DAP: variants seen among roughly 807,000 people sequenced by gnomAD.
DAP encodes death-associated protein 1.
Under a neutral mutation model 13.8 loss-of-function variants are expected in DAP, and 8 were observed. The observed-to-expected ratio is 0.58, with a 90% CI of 0.34 to 1.05. DAP has a LOEUF of 1.05. Ranked by LOEUF, DAP falls within the 50% of genes least tolerant of loss-of-function variation. The pLI, the probability that DAP is intolerant of heterozygous loss-of-function variation, is 0.03. For synonymous variants in DAP, 47 were observed against 47.5 expected, an observed-to-expected ratio of 0.99 and a Z score of 0.04; for missense variants, 106 against 133.2, an observed-to-expected ratio of 0.80 and a Z score of 1.01.
intron 1 of DAP, among the ~76,000 whole-genome samples, chr5:10,757,946 T>C (rs924984792): frequency 2.7e-4 from 41 of 152,106 alleles, no homozygotes; most frequent in African/African-American, 8.7e-4. Flanking sequence ...CGAAGGTTAG[T>C]GCACGAAGGA....
chr5:10,693,132 A>G (rs995230456), intron 2 of DAP, among the ~76,000 whole-genome samples: 17 of 143,282 alleles, frequency 1.2e-4, no homozygotes, highest in East Asian at 8.5e-4. Flanking sequence ...ACGCACACAC[A>G]CACACACACA....
intron 2 of DAP, among the ~76,000 whole-genome samples, chr5:10,727,361 C>A (rs1035947452): frequency 3.3e-5 from 5 of 152,296 alleles, no homozygotes; most frequent in East Asian, 1.9e-4. Flanking sequence ...GGTCAGCACA[C>A]CCTGATGAAG....
intron 2 of DAP, among the ~76,000 whole-genome samples, chr5:10,721,502 A>C (rs1739140067): frequency 6.6e-6 from 1 of 152,182 alleles, no homozygotes; most frequent in Non-Finnish European, 1.5e-5. Context: ...CTCTAGATGA[A>C]ATCAGTCTAC....
chr5:10,746,977 C>G (rs1306813508), intron 2 of DAP, among the ~76,000 whole-genome samples: 1 of 152,206 alleles, frequency 6.6e-6, no homozygotes, highest in Non-Finnish European at 1.5e-5. Context: ...CGTTACCTAG[C>G]ACGGTGCATG....
rs1342505481 is a variant in DAP, at chr5:10,692,248, T to G, written c.153-8677A>C. ...ATTGAGAAGACTTTTAACATTCTTT[T>G]GTGTTCTAAGGCTTTACACCCTCCC... is the stretch of plus-strand genomic sequence containing the variant. On this transcript the variant is annotated intron_variant, in intron 2 of 3. Transcript: ENST00000230895. 2.0e-5 allele frequency among the ~76,000 whole-genome samples: 3 copies of G among 152,240 alleles called. No individual in the cohort carries two copies. The East Asian group carries it at 5.8e-4, about 29-fold the overall frequency.
chr5:10,689,101 T>G (rs2126637344), intron 2 of DAP, among the ~76,000 whole-genome samples: 1 of 152,282 alleles, frequency 6.6e-6, no homozygotes, highest in East Asian at 1.9e-4. Context: ...TGGGGTTCTA[T>G]GCCTCGAGTA....
intron 2 of DAP, among the ~76,000 whole-genome samples, chr5:10,684,953 TA>T (rs1738118925): frequency 6.6e-6 from 1 of 152,170 alleles, no homozygotes; most frequent in South Asian, 2.1e-4. Context: ...TCCTGCTGGG[TA>T]GAGGGGGTAG....
chr5:10,756,697 T>C (rs1024466967), intron 1 of DAP, among the ~76,000 whole-genome samples: 1 of 152,090 alleles, frequency 6.6e-6, no homozygotes, highest in African/African-American at 2.4e-5. Flanking sequence ...CACTGGGAAA[T>C]GGAGGGGAAC....
At chr5:10,746,212 G>A (rs1180895899) in intron 2 of DAP, among the ~76,000 whole-genome samples, 1 of 152,136 alleles carries the variant, frequency 6.6e-6, no homozygotes, top group African/African-American at 2.4e-5. Flanking sequence ...AAATACGTCG[G>A]GCCGCAAGTC....
At position 10,707,447 on chromosome 5, in the gene DAP, A is replaced by G. The variant is rs756871751; in HGVS notation, c.153-23876T>C. Among the ~76,000 whole-genome samples the G allele has an allele frequency of 6.6e-6, 1 of 151,990 alleles. No individual in the cohort carries two copies. The highest frequency in any genetic ancestry group is 1.5e-5 in the Non-Finnish European group (1 of 68,046). Reference sequence around the variant, plus strand: ...GCCCCAGCACTGAGCTGAGGGCAGGAGAGCTGGTGGTGTGATGCACGGGTG... The same window carrying G: ...GCCCCAGCACTGAGCTGAGGGCAGGGGAGCTGGTGGTGTGATGCACGGGTG... On this transcript the variant is annotated intron_variant, in intron 2 of 3. Coordinates refer to ENST00000230895, the MANE Select transcript of DAP (RefSeq NM_004394.3). This position sits in a 1 kb window ranked among gnomAD's most constrained non-coding sequence, Gnocchi z 4.0.
chr5:10,736,326 A>T (rs1739610576), intron 2 of DAP, among the ~76,000 whole-genome samples: 1 of 152,256 alleles, frequency 6.6e-6, no homozygotes, highest in African/African-American at 2.4e-5. Flanking sequence ...AGAGGCAGCC[A>T]GCCTGCCTGG....
chr5:10,708,311 CACACAG>C lies in DAP; in HGVS notation c.153-24746_153-24741del, dbSNP rs1437299890. Among the ~76,000 whole-genome samples, 29 of 151,812 alleles carry C rather than the reference CACACAG, an allele frequency of 1.9e-4. No individual in the cohort carries two copies. The South Asian group carries it at 4.8e-3, about 25-fold the overall frequency. ...ACAAGTGCACACACACACATAGAGACACACAGACACAGACACACACATATACACACA... is the reference window on the plus strand; with the variant it reads ...ACAAGTGCACACACACACATAGAGACACACAGACACACACATATACACACA... On this transcript the variant is annotated intron_variant, in intron 2 of 3. Coordinates refer to ENST00000230895, the MANE Select transcript of DAP (RefSeq NM_004394.3).
chr5:10,758,564 AGAG>A (rs902367833), intron 1 of DAP, among the ~76,000 whole-genome samples: 1 of 152,198 alleles, frequency 6.6e-6, no homozygotes, highest in Non-Finnish European at 1.5e-5. Context: ...TGAAGTTACT[AGAG>A]GAGTTTACCT....
chr5:10,745,235 T>C (rs1739870806), intron 2 of DAP, among the ~76,000 whole-genome samples: 3 of 152,190 alleles, frequency 2.0e-5, no homozygotes, highest in Admixed American at 2.0e-4. Context: ...TTTTGGCAAC[T>C]TACATCAATA....
intron 2 of DAP, among the ~76,000 whole-genome samples, chr5:10,721,216 G>A (rs267976): frequency 0.027 from 4,107 of 152,194 alleles, 178 homozygotes; most frequent in African/African-American, 0.093. Flanking sequence ...CAGGATTCAC[G>A]GGTCCAGGAA....
At chr5:10,683,712 T>G in intron 2 of DAP, 141 bp from the exon 3 acceptor site, 3 of 759,160 alleles carry the variant, frequency 4.0e-6, no homozygotes, top group South Asian at 1.6e-5. Flanking sequence ...CTGCGTTATT[T>G]GTTGTAATGA....
chr5:10,692,629 A>C (rs1413679707), intron 2 of DAP, among the ~76,000 whole-genome samples: 1 of 152,138 alleles, frequency 6.6e-6, no homozygotes, highest in African/African-American at 2.4e-5. Flanking sequence ...TCTCTCAGCT[A>C]TTCTCCCAAC....
At chr5:10,730,577 TC>T (rs1579809848) in intron 2 of DAP, among the ~76,000 whole-genome samples, 8 of 112,048 alleles carry the variant, frequency 7.1e-5, no homozygotes, top group Middle Eastern at 6.2e-3. Context: ...AGAGCCCGGG[TC>T]AGGGGGAATC....
chr5:10,729,298 C>T (rs1046535417), intron 2 of DAP, among the ~76,000 whole-genome samples: 2 of 152,154 alleles, frequency 1.3e-5, no homozygotes, highest in Non-Finnish European at 2.9e-5. Context: ...AAACTTTATA[C>T]CCCACCACCA....
Sources: gnomAD v4.1 joint callset for allele counts (sites outside exome capture counted in the v4.1 genomes callset) on GRCh38, gnomAD v4.1.1 for gene constraint, Gnocchi (gnomAD v3.1) non-coding constraint, MANE v1.5 for transcripts, NCBI Gene and HGNC (gene_info 2026-07-23, HGNC 2026-07-21) for gene names.